BCAS3: variants seen among roughly 807,000 people sequenced by gnomAD.
The protein encoded by BCAS3 is BCAS3 microtubule associated cell migration factor.
Under a neutral mutation model 116.1 loss-of-function variants are expected in BCAS3, and 53 were observed. That is an observed-to-expected ratio of 0.46 (90% CI 0.37 to 0.57). The LOEUF (loss-of-function observed/expected upper bound fraction) is 0.57, where lower values mean the gene tolerates loss of function less well. Among genes scored for constraint, BCAS3 ranks in the 20% least tolerant of loss-of-function variants. The probability of loss-of-function intolerance (pLI) is 0.00; values close to 1 mark genes in which losing one functional copy is unlikely to be tolerated. For missense variants in BCAS3, 917 were observed against 1,165.4 expected (o/e 0.79, Z 3.10); for synonymous variants, 391 against 408.2 (o/e 0.96, Z 0.51).
At chr17:60,989,783 C>T (rs1600261721) in intron 14 of BCAS3, among the ~76,000 whole-genome samples, 188 bp from the exon 15 acceptor site, 1 of 152,114 alleles carries the variant, frequency 6.6e-6, no homozygotes, top group African/African-American at 2.4e-5. Context: ...TAACATTCTA[C>T]CTAATGGAGT....
At chr17:61,133,859 CAAAAA>C (rs11449964) in intron 22 of BCAS3, among the ~76,000 whole-genome samples, 93 of 81,924 alleles carry the variant, frequency 1.1e-3, no homozygotes, top group South Asian at 2.2e-3. Flanking sequence ...CCTGGAATCT[CAAAAA>C]AAAAAAAAAA....
chr17:61,370,482 A>C (rs2058990393), intron 23 of BCAS3, among the ~76,000 whole-genome samples: 1 of 152,086 alleles, frequency 6.6e-6, no homozygotes, highest in African/African-American at 2.4e-5. Flanking sequence ...TCCACCTCCC[A>C]GGTTCAAGCA....
intron 5 of BCAS3, among the ~76,000 whole-genome samples, chr17:60,744,727 A>T (rs1027078033): frequency 2.0e-5 from 3 of 151,406 alleles, no homozygotes; most frequent in Non-Finnish European, 4.4e-5. Context: ...TTATAATTAA[A>T]CACAGATCCT....
chr17:61,392,110 G>T lies in BCAS3; in HGVS notation c.2727G>T (p.Pro909=). The stretch of plus-strand genomic sequence containing the variant: ...AGAGCCAGCCCCTCAGCCTCTTCCC[G>T]ACTGGCTTCCCGTAGGTACCAGCAA... The part of the protein sequence containing the change: ...TNESQPLSLF[P]TGFP Residue 909 remains proline, a synonymous_variant, in exon 24 of 24, where the codon CCG becomes CCT. Coordinates refer to ENST00000407086, the MANE Select transcript of BCAS3 (RefSeq NM_017679.5). The surrounding 1 kb of genome is among the most constrained non-coding windows in gnomAD (Gnocchi z 6.4). 1.2e-6 allele frequency: 2 copies of T among 1,613,236 alleles called. No individual in the cohort carries two copies. Among genetic ancestry groups the T allele is most frequent in the Non-Finnish European group, 1.7e-6 (2 of 1,179,830 alleles).
At position 61,366,797 on chromosome 17, in the gene BCAS3, G is replaced by T. The variant is rs565128198; in HGVS notation, c.2426-1530G>T. The stretch of plus-strand genomic sequence containing the variant: ...TGCCAGGAATCTTCCCTACAATTAG[G>T]TACGAGATAAATCAAAGCCAAACTT... On this transcript the variant is annotated intron_variant, in intron 22 of 23. Transcript: ENST00000407086. The surrounding 1 kb of genome is among the most constrained non-coding windows in gnomAD (Gnocchi z 4.5). Among the ~76,000 whole-genome samples, 2 of 152,280 alleles carry T rather than the reference G, an allele frequency of 1.3e-5. No homozygotes were observed. The highest frequency in any genetic ancestry group is 1.5e-5 in the Non-Finnish European group (1 of 68,022).
intron 14 of BCAS3, among the ~76,000 whole-genome samples, chr17:60,971,325 TAA>T (rs1300791353): frequency 2.0e-5 from 3 of 152,162 alleles, no homozygotes; most frequent in African/African-American, 7.2e-5. Context: ...ACTTTTTCTT[TAA>T]AGGACCAGAT....
At chr17:61,384,229 C>T (rs1490657163) in intron 23 of BCAS3, among the ~76,000 whole-genome samples, 1 of 152,258 alleles carries the variant, frequency 6.6e-6, no homozygotes, top group Non-Finnish European at 1.5e-5. Context: ...AAGGCTCTGC[C>T]CCCAGGTTGG....
rs991191299 is a variant in BCAS3, at chr17:61,126,057, A to T, written c.2425+41493A>T. On this transcript the variant is annotated intron_variant, in intron 22 of 23. Transcript: ENST00000407086. The surrounding 1 kb of genome is among the most constrained non-coding windows in gnomAD (Gnocchi z 4.6). ...GGGAATTCTGAGTAATGTGAAATGT[A>T]TGTGAATTGGAAGCAGTAATAAATT... 2.0e-5 allele frequency among the ~76,000 whole-genome samples: 3 copies of T among 152,292 alleles called. No homozygotes were observed. In the South Asian group the frequency reaches 6.2e-4, roughly 32 times the overall value.
At chr17:60,928,275 A>G (rs1224474992) in intron 13 of BCAS3, among the ~76,000 whole-genome samples, 1 of 152,246 alleles carries the variant, frequency 6.6e-6, no homozygotes, top group Non-Finnish European at 1.5e-5. Context: ...AGTTCTTCAA[A>G]AGGAAATCAA....
intron 12 of BCAS3, among the ~76,000 whole-genome samples, chr17:60,923,829 T>C (rs1308012168): frequency 6.6e-6 from 1 of 152,202 alleles, no homozygotes; most frequent in Non-Finnish European, 1.5e-5. Flanking sequence ...CCTCTGCTTT[T>C]ATGATTTCAT....
intron 22 of BCAS3, among the ~76,000 whole-genome samples, chr17:61,148,350 AT>A (rs1357851809): frequency 1.3e-5 from 2 of 152,222 alleles, no homozygotes; most frequent in Non-Finnish European, 1.5e-5. Flanking sequence ...TGTACCAACC[AT>A]TATGTGCCAG....
chr17:61,010,791 C>T (rs1197492047), intron 15 of BCAS3, among the ~76,000 whole-genome samples: 1 of 151,942 alleles, frequency 6.6e-6, no homozygotes, highest in African/African-American at 2.4e-5. Flanking sequence ...CTCCATCTAT[C>T]GTGGGGACTG....
At position 61,278,226 on chromosome 17, in the gene BCAS3, A is replaced by G. The variant is rs888693310; in HGVS notation, c.2426-90101A>G. Among the ~76,000 whole-genome samples, 248 of 152,272 alleles carry G rather than the reference A, an allele frequency of 1.6e-3. 1 individual carries two copies. The highest frequency in any genetic ancestry group is 5.7e-3 in the African/African-American group (237 of 41,558). On this transcript the variant is annotated intron_variant, in intron 22 of 23. Coordinates refer to ENST00000407086, the MANE Select transcript of BCAS3 (RefSeq NM_017679.5). This position sits in a 1 kb window ranked among gnomAD's most constrained non-coding sequence, Gnocchi z 5.8. ...CCCAGCTAATTTTTGTATTTTTAGT[A>G]GAGACGGGGTTTCACCATGTTGGCC...
At chr17:60,918,315 A>G (rs957670649) in intron 12 of BCAS3, among the ~76,000 whole-genome samples, 1 of 152,208 alleles carries the variant, frequency 6.6e-6, no homozygotes, top group Admixed American at 6.5e-5. Flanking sequence ...AAAAATTGAT[A>G]CATAATATTT....
Position 61,026,716 on chromosome 17 carries a change from C to A in BCAS3, c.1638-7950C>A. The stretch of plus-strand genomic sequence containing the variant: ...ACATCATTCTGTTTATTGGTTATAT[C>A]AGACAGTATGTACAGCAGAATTGTA... On this transcript the variant is annotated intron_variant, in intron 16 of 23. Transcript: ENST00000407086. This position sits in a 1 kb window ranked among gnomAD's most constrained non-coding sequence, Gnocchi z 5.0. The A allele has an allele frequency of 1.4e-6, 1 of 692,224 alleles. No homozygotes were observed. Among genetic ancestry groups the A allele is most frequent in the Non-Finnish European group, 2.5e-6 (1 of 407,832 alleles). The allele number at this position is 692,224 out of a possible 1,614,324, so 42.9% of individuals were successfully genotyped here. A position where few individuals can be genotyped will look rare whatever the true frequency, so the allele number is the denominator to read the frequency against.
intron 22 of BCAS3, among the ~76,000 whole-genome samples, chr17:61,358,514 T>TTG (rs2058279294): frequency 6.6e-6 from 1 of 150,628 alleles, no homozygotes; most frequent in Non-Finnish European, 1.5e-5. Context: ...TTTTTTTTTT[T>TTG]TTTTTGAGAC....
chr17:61,357,480 T>G (rs141567428), intron 22 of BCAS3, among the ~76,000 whole-genome samples: 3,931 of 148,980 alleles, frequency 0.026, 157 homozygotes, highest in African/African-American at 0.086. Context: ...AGTCTTGCTT[T>G]GTCGCCCAGG....
At chr17:61,183,531 G>C (rs534813628) in intron 22 of BCAS3, among the ~76,000 whole-genome samples, 4 of 152,242 alleles carry the variant, frequency 2.6e-5, no homozygotes, top group African/African-American at 9.6e-5. Flanking sequence ...TGTTTGTTAA[G>C]ATGTTTAAAA....
Position 61,325,276 on chromosome 17 carries a change from A to G in BCAS3, c.2426-43051A>G, listed in dbSNP as rs553668406. 2.0e-5 allele frequency among the ~76,000 whole-genome samples: 3 copies of G among 152,334 alleles called. No individual in the cohort carries two copies. In the East Asian group the frequency reaches 5.8e-4, roughly 29 times the overall value. ...ACCATTGCAAGTAACTAACAACCGT[A>G]CAAATAGCGCCCTGACCTTTTCATA... is the stretch of plus-strand genomic sequence containing the variant. On this transcript the variant is annotated intron_variant, in intron 22 of 23. Coordinates refer to ENST00000407086, the MANE Select transcript of BCAS3 (RefSeq NM_017679.5). The surrounding 1 kb of genome is among the most constrained non-coding windows in gnomAD (Gnocchi z 6.4).
Sources: allele counts gnomAD v4.1 joint callset (sites outside exome capture counted in the v4.1 genomes callset), GRCh38; gene constraint gnomAD v4.1.1; non-coding constraint Gnocchi (gnomAD v3.1); transcripts MANE v1.5; gene names NCBI Gene and HGNC (gene_info 2026-07-23, HGNC 2026-07-21).